The following CCDC192 variants were observed in gnomAD, a reference collection of about 807,000 sequenced individuals.
CCDC192 encodes the protein coiled-coil domain containing 192, also known as coiled-coil domain-containing protein 192.
chr5:127,823,007 G>A (rs1228066530), intron 5 of CCDC192, among the ~76,000 whole-genome samples: 1 of 152,010 alleles, frequency 6.6e-6, no homozygotes, highest in African/African-American at 2.4e-5. Flanking sequence ...CTCAAGAAAC[G>A]CCCCAAATCC....
At chr5:127,743,987 G>C (rs1009914060) in intron 2 of CCDC192, among the ~76,000 whole-genome samples, 4 of 151,448 alleles carry the variant, frequency 2.6e-5, no homozygotes, top group Admixed American at 2.6e-4. Flanking sequence ...CCAGCTACTC[G>C]GGAGGCTGAG....
intron 2 of CCDC192, among the ~76,000 whole-genome samples, chr5:127,721,683 C>T (rs1429704331): frequency 6.6e-6 from 1 of 152,174 alleles, no homozygotes; most frequent in African/African-American, 2.4e-5. Flanking sequence ...CTATAAAGAA[C>T]TACCTGAGAC....
chr5:127,856,257 T>G (rs1191424037), intron 5 of CCDC192, among the ~76,000 whole-genome samples: 2 of 152,240 alleles, frequency 1.3e-5, no homozygotes, highest in African/African-American at 4.8e-5. Flanking sequence ...GGAGACAGCT[T>G]CATTCCTTAA....
chr5:127,809,480 A>G (rs1757962703), intron 5 of CCDC192, among the ~76,000 whole-genome samples: 1 of 152,200 alleles, frequency 6.6e-6, no homozygotes, highest in Non-Finnish European at 1.5e-5. Context: ...GTTAAGCCTA[A>G]AATGAGATTC....
intron 5 of CCDC192, among the ~76,000 whole-genome samples, chr5:127,822,674 G>A (rs1400895634): frequency 6.6e-6 from 1 of 152,166 alleles, no homozygotes; most frequent in Admixed American, 6.5e-5. Flanking sequence ...AGCTCTAGGA[G>A]CAACTGTGGA....
At chr5:127,788,084 A>G (rs966675021) in intron 3 of CCDC192, among the ~76,000 whole-genome samples, 22 of 25,552 alleles carry the variant, frequency 8.6e-4, no homozygotes, top group Admixed American at 1.1e-3. Flanking sequence ...TTCACCTCAG[A>G]AAAAAAAAAA....
intron 5 of CCDC192, among the ~76,000 whole-genome samples, chr5:127,799,069 C>A (rs924109527): frequency 6.6e-6 from 1 of 152,170 alleles, no homozygotes; most frequent in African/African-American, 2.4e-5. Context: ...TCATCCACAT[C>A]TTGGCTGCTA....
At chr5:127,727,157 C>T (rs967171808) in intron 2 of CCDC192, among the ~76,000 whole-genome samples, 10 of 152,132 alleles carry the variant, frequency 6.6e-5, no homozygotes, top group Non-Finnish European at 8.8e-5. Context: ...AGCAACCCTA[C>T]GGAAGAGGGG....
intron 6 of CCDC192, among the ~76,000 whole-genome samples, chr5:127,915,206 C>T (rs570849777): frequency 1.3e-5 from 2 of 151,452 alleles, no homozygotes; most frequent in South Asian, 4.1e-4. Context: ...TGTGCAAAAA[C>T]ATGTTTAAAA....
At chr5:127,732,525 T>C (rs1015181756) in intron 2 of CCDC192, among the ~76,000 whole-genome samples, 4 of 152,170 alleles carry the variant, frequency 2.6e-5, no homozygotes, top group Admixed American at 1.3e-4. Context: ...ATCATTCTAT[T>C]ATAAAGATAT....
intron 6 of CCDC192, among the ~76,000 whole-genome samples, chr5:127,920,884 A>G (rs1051899589): frequency 6.6e-6 from 1 of 151,514 alleles, no homozygotes; most frequent in South Asian, 2.1e-4. Context: ...AACGGGGTGA[A>G]GCCCTATTTC....
intron 2 of CCDC192, among the ~76,000 whole-genome samples, chr5:127,723,522 C>A (rs1176850490): frequency 6.6e-6 from 1 of 152,078 alleles, no homozygotes; most frequent in Non-Finnish European, 1.5e-5. Flanking sequence ...AATGGAGAGA[C>A]CATCAAAATT....
At chr5:127,786,202 G>A (rs777095194) in intron 3 of CCDC192, 5 of 801,770 alleles carry the variant, frequency 6.2e-6, no homozygotes, top group Non-Finnish European at 1.1e-5. Flanking sequence ...TTCATCTTGT[G>A]TGCCTTCATG....
chr5:127,894,475 G>T (rs549326481), intron 6 of CCDC192, among the ~76,000 whole-genome samples: 7 of 152,240 alleles, frequency 4.6e-5, no homozygotes, highest in African/African-American at 1.7e-4. Flanking sequence ...ACACGCGTGA[G>T]CCACCGCGCC....
chr5:127,746,399 A>G (rs1193205945), intron 2 of CCDC192, among the ~76,000 whole-genome samples: 4 of 152,226 alleles, frequency 2.6e-5, no homozygotes, highest in South Asian at 4.1e-4. Flanking sequence ...GGATTAGACA[A>G]TCTTGCTGAG....
chr5:127,763,796 C>A (rs1755061401), intron 3 of CCDC192, among the ~76,000 whole-genome samples: 1 of 152,112 alleles, frequency 6.6e-6, no homozygotes, highest in African/African-American at 2.4e-5. Context: ...TTAATACACC[C>A]CTTTCCCTCT....
At chr5:127,842,410 G>A (rs1750330274) in intron 5 of CCDC192, among the ~76,000 whole-genome samples, 1 of 152,092 alleles carries the variant, frequency 6.6e-6, no homozygotes, top group Admixed American at 6.5e-5. Context: ...TAAAGATGTG[G>A]TCTTGCCATC....
chr5:127,732,906 C>T lies in CCDC192; in HGVS notation c.115-21362C>T, dbSNP rs370520262. ...AGCTAATGCATGTGGGGCTTAATAC[C>T]GAGGTGATGGGTTGATAGATGCAGC... On this transcript the variant is annotated intron_variant, in intron 2 of 6. Coordinates refer to ENST00000514853, the MANE Select transcript of CCDC192 (RefSeq NM_001317938.2). Among the ~76,000 whole-genome samples the T allele has an allele frequency of 2.1e-4, 32 of 152,006 alleles. No individual in the cohort carries two copies. In the South Asian group the frequency reaches 2.5e-3, roughly 12 times the overall value.
chr5:127,906,216 G>T (rs962147046), intron 6 of CCDC192, among the ~76,000 whole-genome samples: 1 of 152,084 alleles, frequency 6.6e-6, no homozygotes. Flanking sequence ...CCACCATTCT[G>T]CTTTCTGTCT....
Sources: gnomAD v4.1 joint callset for allele counts (sites outside exome capture counted in the v4.1 genomes callset) on GRCh38, gnomAD v4.1.1 for gene constraint, MANE v1.5 for transcripts, NCBI Gene and HGNC (gene_info 2026-07-23, HGNC 2026-07-21) for gene names.